TMCC1: variants seen among roughly 807,000 people sequenced by gnomAD.
TMCC1 encodes the protein transmembrane and coiled-coil domain family 1.
Under a neutral mutation model 52.4 loss-of-function variants are expected in TMCC1, and 15 were observed. The ratio of observed to expected loss-of-function variants is 0.29; its 90% CI spans 0.19 to 0.44. TMCC1 has a LOEUF of 0.44. Among genes scored for constraint, TMCC1 ranks in the 20% least tolerant of loss-of-function variants. The pLI is 1.00. For synonymous variants in TMCC1, 279 were observed against 301.9 expected (o/e 0.92, Z 0.79); for missense variants, 503 against 806.0 (o/e 0.62, Z 4.55).
chr3:129,670,894 C>T lies in TMCC1; in HGVS notation c.947G>A (p.Arg316Gln), dbSNP rs1245826203. The change falls in exon 5 of 7, where the codon CGG (arginine) becomes CAG (glutamine). Residue 316 changes from arginine (R) to glutamine (Q), a missense_variant. Coordinates refer to ENST00000393238, the MANE Select transcript of TMCC1 (RefSeq NM_001017395.5). ...LREVEQNGIP[R>Q]QPKDVFRDMH... ...GTCCCTGAAGACATCCTTTGGCTGC[C>T]GGGGGATCCCATTCTGCTCTACCTC... is the stretch of plus-strand genomic sequence containing the variant. The T allele has an allele frequency of 6.2e-7, 1 of 1,614,118 alleles. No homozygotes were observed. Among genetic ancestry groups the T allele is most frequent in the Admixed American group, 1.7e-5 (1 of 60,014 alleles).
At chr3:129,706,576 C>G (rs948103270) in intron 4 of TMCC1, among the ~76,000 whole-genome samples, 1 of 151,888 alleles carries the variant, frequency 6.6e-6, no homozygotes, top group Non-Finnish European at 1.5e-5. Flanking sequence ...GAGAAGAAAC[C>G]CTGTACTGAG....
chr3:129,782,663 A>C lies in TMCC1; in HGVS notation c.576+45140T>G, dbSNP rs180826513. ...TTGACTCTTACAGGGAACTACTTTT[A>C]CTGGAGTAGAAGGGGTTGGAGGAAA... is the stretch of plus-strand genomic sequence containing the variant. On this transcript the variant is annotated intron_variant, in intron 4 of 6. Coordinates refer to ENST00000393238, the MANE Select transcript of TMCC1 (RefSeq NM_001017395.5). 2.2e-4 allele frequency among the ~76,000 whole-genome samples: 33 copies of C among 152,302 alleles called. No homozygotes were observed. In the East Asian group the frequency reaches 4.4e-3, roughly 20 times the overall value.
chr3:129,861,418 G>A (rs774790519), intron 2 of TMCC1, among the ~76,000 whole-genome samples: 5 of 152,180 alleles, frequency 3.3e-5, no homozygotes, highest in Admixed American at 6.5e-5. Flanking sequence ...CCAGCCTGGC[G>A]ACAGAGCAAG....
At chr3:129,675,897 C>A (rs936978048) in intron 4 of TMCC1, among the ~76,000 whole-genome samples, 1 of 151,834 alleles carries the variant, frequency 6.6e-6, no homozygotes, top group Non-Finnish European at 1.5e-5. Context: ...ATTAGCTGGG[C>A]GTGGTGGCGG....
At chr3:129,712,163 C>A (rs997419755) in intron 4 of TMCC1, among the ~76,000 whole-genome samples, 3 of 151,900 alleles carry the variant, frequency 2.0e-5, no homozygotes, top group Non-Finnish European at 4.4e-5. Flanking sequence ...TGCAACAGAG[C>A]GAGACTCTTT....
At chr3:129,791,344 T>C (rs2056448344) in intron 4 of TMCC1, among the ~76,000 whole-genome samples, 1 of 152,080 alleles carries the variant, frequency 6.6e-6, no homozygotes, top group Non-Finnish European at 1.5e-5. Flanking sequence ...CTACCCACCT[T>C]GGCCTCCCAA....
At chr3:129,746,700 T>A (rs74607931) in intron 4 of TMCC1, among the ~76,000 whole-genome samples, 1 of 152,142 alleles carries the variant, frequency 6.6e-6, no homozygotes, top group African/African-American at 2.4e-5. Context: ...ATAAGGAATA[T>A]CTGAAATAAA....
At chr3:129,820,656 A>G (rs1306672466) in intron 4 of TMCC1, among the ~76,000 whole-genome samples, 1 of 152,212 alleles carries the variant, frequency 6.6e-6, no homozygotes, top group African/African-American at 2.4e-5. Flanking sequence ...ATCTCTCCCA[A>G]TATGAGATTT....
chr3:129,721,748 C>T (rs1423999587), intron 4 of TMCC1, among the ~76,000 whole-genome samples: 2 of 150,424 alleles, frequency 1.3e-5, no homozygotes, highest in South Asian at 2.1e-4. Flanking sequence ...TGGTGGCAGG[C>T]ACCTGTAGTC....
intron 4 of TMCC1, among the ~76,000 whole-genome samples, chr3:129,806,234 TA>T (rs1307057881): frequency 3.3e-5 from 5 of 152,194 alleles, no homozygotes; most frequent in Non-Finnish European, 7.4e-5. Context: ...TAAAATTGAA[TA>T]ATAAAAGGCA....
intron 2 of TMCC1, among the ~76,000 whole-genome samples, chr3:129,874,501 A>T (rs2061090909): frequency 6.6e-6 from 1 of 152,156 alleles, no homozygotes; most frequent in Non-Finnish European, 1.5e-5. Context: ...TAAGCCCAGG[A>T]GTTCAAGATC....
chr3:129,724,930 G>A (rs938498593), intron 4 of TMCC1, among the ~76,000 whole-genome samples: 1 of 152,124 alleles, frequency 6.6e-6, no homozygotes, highest in African/African-American at 2.4e-5. Flanking sequence ...GGGATAAGGA[G>A]GGATAAGGAA....
intron 2 of TMCC1, among the ~76,000 whole-genome samples, chr3:129,856,938 A>T (rs550029820): frequency 3.3e-5 from 5 of 151,328 alleles, no homozygotes; most frequent in Non-Finnish European, 7.4e-5. Flanking sequence ...TTTTTTTTTG[A>T]GACGTAATCT....
At chr3:129,664,944 A>G (rs568822347) in intron 5 of TMCC1, among the ~76,000 whole-genome samples, 10 of 152,346 alleles carry the variant, frequency 6.6e-5, no homozygotes, top group Non-Finnish European at 1.2e-4. Flanking sequence ...ACTGTAAATA[A>G]GATTAATCTA....
chr3:129,688,262 G>T, intron 4 of TMCC1: 1 of 983,294 alleles, frequency 1.0e-6, no homozygotes, highest in Non-Finnish European at 1.2e-6. Flanking sequence ...AGCTTGGATG[G>T]TAAAAAAAAA....
intron 2 of TMCC1, among the ~76,000 whole-genome samples, chr3:129,870,274 A>C (rs1472936372): frequency 6.6e-6 from 1 of 152,130 alleles, no homozygotes; most frequent in Non-Finnish European, 1.5e-5. Flanking sequence ...ATAAGAAACT[A>C]AAGTCATCAA....
intron 4 of TMCC1, among the ~76,000 whole-genome samples, chr3:129,730,195 T>C (rs928209634): frequency 6.6e-6 from 1 of 152,182 alleles, no homozygotes; most frequent in African/African-American, 2.4e-5. Flanking sequence ...AGATATGTGA[T>C]TTACAAATTT....
intron 4 of TMCC1, among the ~76,000 whole-genome samples, chr3:129,812,782 G>A (rs1294303826): frequency 6.6e-6 from 1 of 152,024 alleles, no homozygotes; most frequent in African/African-American, 2.4e-5. Flanking sequence ...TCATAACAAA[G>A]ATGCCAAAAG....
chr3:129,827,869 T>G lies in TMCC1; in HGVS notation c.510A>C (p.Glu170Asp), dbSNP rs1443166619. ...TDAPTSSAMM[E>D]IACAAAAAAA... Reference sequence around the variant, plus strand: ...CAGCAGCAGCAGCAGCACAAGCTATTTCCATCATAGCAGAGCTGGTAGGTG... The same window carrying G: ...CAGCAGCAGCAGCAGCACAAGCTATGTCCATCATAGCAGAGCTGGTAGGTG... Residue 170 changes from glutamate to aspartate, a missense_variant, in exon 4 of 7, where the codon GAA (glutamate) becomes GAC (aspartate). Glu to Asp is a conservative substitution (Grantham distance 45, BLOSUM62 2). Coordinates refer to ENST00000393238, the MANE Select transcript of TMCC1 (RefSeq NM_001017395.5). 9 of 1,613,958 alleles carry G rather than the reference T, an allele frequency of 5.6e-6. No homozygotes were observed. Among genetic ancestry groups the G allele is most frequent in the Non-Finnish European group, 5.9e-6 (7 of 1,179,984 alleles).
Sources: allele counts gnomAD v4.1 joint callset (sites outside exome capture counted in the v4.1 genomes callset), GRCh38; gene constraint gnomAD v4.1.1; transcripts MANE v1.5; gene names NCBI Gene and HGNC (gene_info 2026-07-23, HGNC 2026-07-21).